C11orf65: variants seen among roughly 807,000 people sequenced by gnomAD.
C11orf65 encodes protein MFI.
C11orf65 carries 38 observed loss-of-function variants against 35.3 expected under a neutral mutation model. That is an observed-to-expected ratio of 1.08 (90% CI 0.83 to 1.41). The LOEUF (loss-of-function observed/expected upper bound fraction) is 1.41. Among genes scored for constraint, C11orf65 ranks in the 40% most tolerant of loss-of-function variants. C11orf65 has a pLI of 0.00. For missense variants in C11orf65, 370 were observed against 367.1 expected (o/e 1.01, Z -0.06); for synonymous variants, 105 against 114.4 (o/e 0.92, Z 0.53).
intron 6 of C11orf65, 125 bp downstream of exon 6, chr11:108,405,304 G>C: frequency 2.2e-6 from 2 of 896,560 alleles, no homozygotes; most frequent in Middle Eastern, 3.1e-4. Flanking sequence ...TCTGTCGTTT[G>C]GGTCAGGGTC....
intron 6 of C11orf65, among the ~76,000 whole-genome samples, chr11:108,400,188 G>C (rs531049425): frequency 3.9e-5 from 6 of 152,308 alleles, no homozygotes; most frequent in Middle Eastern, 3.4e-3. Flanking sequence ...CTCTCAAATC[G>C]AGAGAGGGCC....
chr11:108,428,206 TTGG>T (rs2092935600), intron 3 of C11orf65, among the ~76,000 whole-genome samples: 1 of 152,026 alleles, frequency 6.6e-6, no homozygotes, highest in South Asian at 2.1e-4. Context: ...TTTTACACTG[TTGG>T]TGGGAGTGTA....
chr11:108,343,227 TC>T lies in C11orf65; in HGVS notation c.227-7936del, dbSNP rs1486627670. The T allele has an allele frequency of 6.2e-7, 1 of 1,613,992 alleles. No homozygotes were observed. The highest frequency in any genetic ancestry group is 1.3e-5 in the African/African-American group (1 of 75,026). On this transcript the variant is annotated intron_variant, in intron 2 of 3. Transcript: ENST00000524755. ...TATTTAATCTGTAACTCCAGGTGGT[TC>T]CCCTCTCTCAGCGAAGTGGTGTTCT...
At chr11:108,416,877 C>A (rs1434605280) in intron 3 of C11orf65, among the ~76,000 whole-genome samples, 1 of 151,960 alleles carries the variant, frequency 6.6e-6, no homozygotes, top group Non-Finnish European at 1.5e-5. Flanking sequence ...ACCATAAGAT[C>A]CATCAATAGA....
At chr11:108,341,204 T>A (rs1463690435) in intron 2 of C11orf65, among the ~76,000 whole-genome samples, 1 of 152,006 alleles carries the variant, frequency 6.6e-6, no homozygotes, top group African/African-American at 2.4e-5. Context: ...CACACCAATT[T>A]GTTTCTGCCT....
At chr11:108,432,541 T>C (rs955809083) in intron 2 of C11orf65, among the ~76,000 whole-genome samples, 6 of 152,204 alleles carry the variant, frequency 3.9e-5, no homozygotes, top group Admixed American at 3.9e-4. Context: ...TTAGTCCATC[T>C]TGGAAAATTA....
intron 2 of C11orf65, among the ~76,000 whole-genome samples, chr11:108,458,355 CAAAA>C: frequency 2.8e-5 from 1 of 35,858 alleles, no homozygotes; most frequent in Non-Finnish European, 5.3e-5. Flanking sequence ...GACTCTGTCT[CAAAA>C]AAAAAAAAAA....
chr11:108,333,632 G>A (rs2086517874), intron 3 of C11orf65, among the ~76,000 whole-genome samples: 1 of 152,162 alleles, frequency 6.6e-6, no homozygotes, highest in African/African-American at 2.4e-5. Context: ...TGTTTAGTCT[G>A]GTTCCTCAGG....
chr11:108,332,907 T>C, intron 3 of C11orf65: 1 of 1,610,882 alleles, frequency 6.2e-7, no homozygotes, highest in Non-Finnish European at 8.5e-7. Flanking sequence ...AGAAGTATGT[T>C]TTTTTTAAAG....
At chr11:108,327,113 C>G (rs2085756882), downstream of C11orf65, among the ~76,000 whole-genome samples, 1 of 152,210 alleles carries the variant, frequency 6.6e-6, no homozygotes, top group South Asian at 2.1e-4. Flanking sequence ...CAGGCGTGAG[C>G]CACCACGCCC....
chr11:108,385,408 C>T (rs912229578), intron 8 of C11orf65, among the ~76,000 whole-genome samples: 1 of 151,452 alleles, frequency 6.6e-6, no homozygotes, highest in Non-Finnish European at 1.5e-5. Context: ...TTTGGCTAGG[C>T]GTGGTGGCTC....
intron 2 of C11orf65, among the ~76,000 whole-genome samples, chr11:108,458,355 CAAAAAAAAAAA>C (rs755107073): frequency 2.8e-5 from 1 of 35,862 alleles, no homozygotes; most frequent in Non-Finnish European, 5.3e-5. Context: ...GACTCTGTCT[CAAAAAAAAAAA>C]AAAAAAAAAA....
intron 2 of C11orf65, chr11:108,347,449 A>AAT (rs1438239619): frequency 3.8e-5 from 43 of 1,127,576 alleles, no homozygotes; most frequent in Non-Finnish European, 5.3e-5. Context: ...AGATATTACA[A>AAT]ATATAAGAGA....
At chr11:108,336,304 G>T in intron 2 of C11orf65, 1 of 198,580 alleles carries the variant, frequency 5.0e-6, no homozygotes, top group Non-Finnish European at 1.0e-5. Flanking sequence ...GCAAGATCCC[G>T]TTTAAAAAAG....
chr11:108,393,093 T>G, intron 7 of C11orf65, 115 bp downstream of exon 7: 1 of 1,177,316 alleles, frequency 8.5e-7, no homozygotes, highest in Non-Finnish European at 1.2e-6. Flanking sequence ...ATACTCGGGT[T>G]TTTTTTTTCT....
chr11:108,311,405 A>T (rs904996720), intron 6 of C11orf65, among the ~76,000 whole-genome samples: 1 of 152,232 alleles, frequency 6.6e-6, no homozygotes, highest in Non-Finnish European at 1.5e-5. Context: ...TAGTTAAAAA[A>T]GTAAAGAAGG....
intron 2 of C11orf65, among the ~76,000 whole-genome samples, chr11:108,358,445 T>C (rs1333544495): frequency 2.0e-5 from 3 of 150,906 alleles, no homozygotes; most frequent in Admixed American, 1.3e-4. Context: ...ATACAGAGAA[T>C]GCCACAAAGA....
In C11orf65 at chr11:108,348,769, T is replaced by C. The variant is rs141753682; in HGVS notation, c.227-13477A>G. The stretch of plus-strand genomic sequence containing the variant: ...TGAGAGGAGAGAAAATATGCCATAT[T>C]CACTATAAAACAAAGAAGAAAACCC... On this transcript the variant is annotated intron_variant, in intron 2 of 3. Transcript: ENST00000524755. Among the ~76,000 whole-genome samples the C allele has an allele frequency of 3.1e-3, 476 of 152,254 alleles. 1 individual carries two copies. The highest frequency in any genetic ancestry group is 0.011 in the African/African-American group (459 of 41,532).
chr11:108,352,720 C>A (rs1356900592), intron 2 of C11orf65, among the ~76,000 whole-genome samples: 1 of 152,220 alleles, frequency 6.6e-6, no homozygotes, highest in African/African-American at 2.4e-5. Flanking sequence ...TGAAATACTA[C>A]TCAGCAATGA....
Sources: allele counts gnomAD v4.1 joint callset (sites outside exome capture counted in the v4.1 genomes callset), GRCh38; gene constraint gnomAD v4.1.1; transcripts MANE v1.5; gene names NCBI Gene and HGNC (gene_info 2026-07-23, HGNC 2026-07-21).